Variants in STX3 observed in about 807,000 individuals in gnomAD.
STX3 encodes syntaxin-3.
In STX3, 19 loss-of-function variants were observed where a neutral mutation model predicts 40.2. The observed-to-expected ratio is 0.47, with a 90% CI of 0.33 to 0.69. STX3 has a LOEUF of 0.69. Among genes scored for constraint, STX3 ranks in the 30% least tolerant of loss-of-function variants. The pLI is 0.02. For synonymous variants in STX3, 122 were observed against 132.2 expected (o/e 0.92, Z 0.53); for missense variants, 364 against 366.7 (o/e 0.99, Z 0.06).
intron 2 of STX3, among the ~76,000 whole-genome samples, chr11:59,786,571 T>C (rs1043993788): frequency 6.6e-6 from 1 of 152,036 alleles, no homozygotes; most frequent in Non-Finnish European, 1.5e-5. Flanking sequence ...GTCTTTCTCT[T>C]CCTCTCATTC....
chr11:59,782,998 C>CA (rs111284922), intron 2 of STX3, among the ~76,000 whole-genome samples: 16,010 of 138,668 alleles, frequency 0.12, 1,126 homozygotes, highest in African/African-American at 0.21. Flanking sequence ...GGCTTTGTCT[C>CA]AAAAAAAAAA....
chr11:59,786,640 C>A (rs1283932732), intron 2 of STX3, among the ~76,000 whole-genome samples: 2 of 151,680 alleles, frequency 1.3e-5, no homozygotes, highest in African/African-American at 2.4e-5. Flanking sequence ...TCCTTCCTTC[C>A]TTTTTCCCCT....
intron 6 of STX3, among the ~76,000 whole-genome samples, chr11:59,792,568 A>G (rs1295907433): frequency 2.0e-5 from 3 of 151,654 alleles, no homozygotes; most frequent in Non-Finnish European, 4.4e-5. Context: ...TGGGAGGATA[A>G]AAGTATGGTG....
chr11:59,759,941 C>A (rs1457691929), intron 1 of STX3, among the ~76,000 whole-genome samples: 4 of 152,094 alleles, frequency 2.6e-5, no homozygotes, highest in South Asian at 2.1e-4. Context: ...CCTTAACATA[C>A]CAATCTGCGC....
chr11:59,801,361 A>C lies in STX3; in HGVS notation c.*537A>C, dbSNP rs973472551. 1.0e-6 allele frequency: 1 copy of C among 988,800 alleles called. No individual in the cohort carries two copies. 61.3% of individuals were successfully genotyped at this position (988,800 alleles called of 1,614,324 possible). A position where few individuals can be genotyped will look rare whatever the true frequency, so the allele number is the denominator to read the frequency against. The stretch of plus-strand genomic sequence containing the variant: ...TCCGTATGTCCTGAAAACATGAGGG[A>C]CTGGCAGATGTCATTTTGGTCTAAA... On this transcript the variant is annotated 3_prime_UTR_variant, in exon 11 of 11. Coordinates refer to ENST00000337979, the MANE Select transcript of STX3 (RefSeq NM_004177.5).
At chr11:59,778,318 A>G (rs1048246475) in intron 2 of STX3, among the ~76,000 whole-genome samples, 10 of 152,290 alleles carry the variant, frequency 6.6e-5, no homozygotes, top group African/African-American at 2.4e-4. Context: ...AGGTCCTTTC[A>G]TCAGAGAGGA....
intron 2 of STX3, among the ~76,000 whole-genome samples, chr11:59,785,345 T>C (rs1468326560): frequency 6.6e-6 from 1 of 152,162 alleles, no homozygotes; most frequent in Non-Finnish European, 1.5e-5. Context: ...TTTTGTTTGT[T>C]TTTGAGACAG....
chr11:59,769,829 C>CGTGTGTGT (rs148844771), intron 1 of STX3, among the ~76,000 whole-genome samples: 2 of 148,448 alleles, frequency 1.3e-5, no homozygotes, highest in African/African-American at 5.0e-5. Context: ...ATAGTGTACA[C>CGTGTGTGT]GTGTGTGTGT....
intron 1 of STX3, among the ~76,000 whole-genome samples, chr11:59,765,932 A>C (rs1405549786): frequency 1.3e-5 from 2 of 152,232 alleles, no homozygotes; most frequent in African/African-American, 2.4e-5. Flanking sequence ...AATTGTTTAA[A>C]TTTGGAGAAG....
intron 1 of STX3, among the ~76,000 whole-genome samples, chr11:59,769,873 G>T (rs1416059816): frequency 6.6e-6 from 1 of 151,130 alleles, no homozygotes; most frequent in African/African-American, 2.4e-5. Context: ...TGTGTGGGGG[G>T]GGAAGGTGTG....
intron 1 of STX3, among the ~76,000 whole-genome samples, chr11:59,769,850 GTA>G (rs144534252): frequency 4.0e-5 from 6 of 148,592 alleles, no homozygotes; most frequent in Non-Finnish European, 8.9e-5. Context: ...GTGTGTGTGT[GTA>G]TGTATGTGTT....
chr11:59,799,941 T>TTTA (rs35269518), intron 10 of STX3: 47,770 of 985,066 alleles, frequency 0.048, 1,279 homozygotes, highest in Middle Eastern at 0.1. Context: ...TTTAAAAAGA[T>TTTA]ATAAGAGTTG....
Position 59,773,192 on chromosome 11 carries a change from T to C in STX3, c.31-19T>C. On this transcript the variant is annotated intron_variant, in intron 1 of 10. Transcript: ENST00000337979. ...TATTGTGTTTTTAGCCTCACTCTGC[T>C]CTTTTTTGCCTTTTGCAGAAGCAGC... is the stretch of plus-strand genomic sequence containing the variant. 1 of 1,613,664 alleles carries C rather than the reference T, an allele frequency of 6.2e-7. No individual in the cohort carries two copies. Among genetic ancestry groups the C allele is most frequent in the Non-Finnish European group, 8.5e-7 (1 of 1,179,648 alleles).
At chr11:59,756,030 C>T (rs1339462268) in intron 1 of STX3, among the ~76,000 whole-genome samples, 1 of 152,202 alleles carries the variant, frequency 6.6e-6, no homozygotes, top group African/African-American at 2.4e-5. Context: ...GTGCTACAGG[C>T]CTGGCTGCCC....
intron 1 of STX3, among the ~76,000 whole-genome samples, chr11:59,761,489 C>G (rs901635403): frequency 1.3e-5 from 2 of 152,162 alleles, no homozygotes; most frequent in Admixed American, 6.5e-5. Context: ...TTATACCTTC[C>G]CAGCCCAAAG....
intron 2 of STX3, chr11:59,781,252 T>A (rs933126328): frequency 8.0e-5 from 94 of 1,175,348 alleles, no homozygotes; most frequent in Non-Finnish European, 1.0e-4. Context: ...GGAGATTTGC[T>A]CATTGAACTG....
At chr11:59,782,354 C>CACTGTATGCA (rs941737802) in intron 2 of STX3, among the ~76,000 whole-genome samples, 1 of 152,172 alleles carries the variant, frequency 6.6e-6, no homozygotes, top group African/African-American at 2.4e-5. Flanking sequence ...ATGAGACATG[C>CACTGTATGCA]CTGTAAATGC....
chr11:59,770,240 G>A (rs531826315), intron 1 of STX3, among the ~76,000 whole-genome samples: 1 of 150,472 alleles, frequency 6.6e-6, no homozygotes, highest in South Asian at 2.1e-4. Context: ...ATGTACGTGT[G>A]TAGGGTGTGT....
intron 1 of STX3, among the ~76,000 whole-genome samples, chr11:59,756,691 T>C (rs1242761425): frequency 9.2e-5 from 14 of 152,166 alleles, no homozygotes; most frequent in Non-Finnish European, 7.4e-5. Flanking sequence ...TGGGGTTGTC[T>C]CCTGGCTCCA....
Sources: allele counts gnomAD v4.1 joint callset (sites outside exome capture counted in the v4.1 genomes callset), GRCh38; gene constraint gnomAD v4.1.1; transcripts MANE v1.5; gene names NCBI Gene and HGNC (gene_info 2026-07-23, HGNC 2026-07-21).